Variants in RAB8B observed in about 807,000 individuals in gnomAD.
RAB8B encodes the protein ras-related protein Rab-8B.
A neutral mutation model predicts 32.0 loss-of-function variants in RAB8B; 11 were observed. The ratio of observed to expected loss-of-function variants is 0.34; its 90% CI spans 0.22 to 0.57. The LOEUF is 0.57. Among genes scored for constraint, RAB8B ranks in the 20% least tolerant of loss-of-function variants. The pLI is 0.86. For synonymous variants in RAB8B, 103 were observed against 89.6 expected (o/e 1.15, Z -0.85); for missense variants, 190 against 258.5 (o/e 0.73, Z 1.82).
At chr15:63,223,025 C>T in intron 1 of RAB8B, 1 of 456,064 alleles carries the variant, frequency 2.2e-6, no homozygotes, top group Non-Finnish European at 4.4e-6. Context: ...TCATCACTCT[C>T]TCATTGATTC....
chr15:63,210,580 C>T (rs1480398754), intron 1 of RAB8B, among the ~76,000 whole-genome samples: 1 of 152,194 alleles, frequency 6.6e-6, no homozygotes, highest in African/African-American at 2.4e-5. Flanking sequence ...GCTTCCCAAC[C>T]TTCTGTGGAT....
intron 1 of RAB8B, among the ~76,000 whole-genome samples, chr15:63,241,424 A>G (rs928180696): frequency 6.6e-6 from 1 of 152,244 alleles, no homozygotes; most frequent in African/African-American, 2.4e-5. Flanking sequence ...TCAGGTATAC[A>G]GTAGGCATTT....
intron 1 of RAB8B, among the ~76,000 whole-genome samples, chr15:63,197,655 G>A (rs750100596): frequency 6.6e-5 from 10 of 152,052 alleles, no homozygotes; most frequent in Non-Finnish European, 1.3e-4. Flanking sequence ...ATTACAGTGA[G>A]CCACCACACC....
chr15:63,245,402 A>G (rs370030099), intron 2 of RAB8B, among the ~76,000 whole-genome samples: 66 of 152,380 alleles, frequency 4.3e-4, no homozygotes, highest in African/African-American at 1.5e-3. Flanking sequence ...AGACTGCTCT[A>G]AGATATTTTT....
chr15:63,249,087 A>G (rs535636082), intron 2 of RAB8B, among the ~76,000 whole-genome samples: 2 of 152,314 alleles, frequency 1.3e-5, no homozygotes, highest in Admixed American at 6.5e-5. Context: ...AACGTTGTCA[A>G]GATTTATGTG....
chr15:63,216,775 G>A (rs984563288), intron 1 of RAB8B, among the ~76,000 whole-genome samples: 1 of 150,890 alleles, frequency 6.6e-6, no homozygotes, highest in Non-Finnish European at 1.5e-5. Context: ...CAGGAGAATC[G>A]CTTGAACCTG....
chr15:63,219,283 C>T (rs554573093), intron 1 of RAB8B, among the ~76,000 whole-genome samples: 6 of 142,358 alleles, frequency 4.2e-5, no homozygotes, highest in African/African-American at 7.8e-5. Context: ...GGCAAAGGAG[C>T]GAGACTCCCA....
At chr15:63,254,626 A>G (rs1029726046) in intron 3 of RAB8B, among the ~76,000 whole-genome samples, 1 of 152,048 alleles carries the variant, frequency 6.6e-6, no homozygotes, top group African/African-American at 2.4e-5. Flanking sequence ...GAAATACCAG[A>G]CATGGGCTGG....
intron 1 of RAB8B, among the ~76,000 whole-genome samples, chr15:63,194,121 C>G (rs961869792): frequency 6.6e-6 from 1 of 152,008 alleles, no homozygotes; most frequent in Non-Finnish European, 1.5e-5. Flanking sequence ...AGTGGTTTCA[C>G]TATTTAGTAT....
In RAB8B at chr15:63,263,577, C is replaced by G; in HGVS notation, c.582C>G (p.Asn194Lys). 1 of 1,613,058 alleles carries G rather than the reference C, an allele frequency of 6.2e-7. No homozygotes were observed. The highest frequency in any genetic ancestry group is 8.5e-7 in the Non-Finnish European group (1 of 1,179,036). The part of the protein sequence containing the change: ...GAGGPVKITE[N>K]RSKKTSFFRC... ...GTGGACCAGTGAAAATAACAGAAAA[C>G]CGATCAAAGAAGACCAGTTTCTTTC... is the stretch of plus-strand genomic sequence containing the variant. The change falls in exon 8 of 8, where the codon AAC (asparagine) becomes AAG (lysine). Residue 194 changes from asparagine (N) to lysine (K), a missense_variant. By Grantham distance (94) the Asn-to-Lys change is moderately conservative. Around this residue, in one of 2 missense-constraint regions of RAB8B, gnomAD observed 110 missense variants for 115.9 expected, o/e 0.95. Transcript: ENST00000321437.
Position 63,244,834 on chromosome 15 carries a change from C to A in RAB8B, c.185+18C>A. 1 of 1,546,342 alleles carries A rather than the reference C, an allele frequency of 6.5e-7. No individual in the cohort carries two copies. The highest frequency in any genetic ancestry group is 1.8e-5 in the Admixed American group (1 of 54,638). ...CAGATATGGTAAGTAAACACACACA[C>A]AGAGTTTCTGCTTTAATTGGGAATT... On this transcript the variant is annotated intron_variant, in intron 2 of 7. Transcript: ENST00000321437.
At chr15:63,213,946 T>C (rs1389255772) in intron 1 of RAB8B, among the ~76,000 whole-genome samples, 2 of 152,048 alleles carry the variant, frequency 1.3e-5, no homozygotes, top group African/African-American at 4.8e-5. Flanking sequence ...CTGGGCGTTG[T>C]GGCATGTGTC....
At chr15:63,249,796 A>C (rs2038099550) in intron 3 of RAB8B, 91 bp downstream of exon 3, 1 of 1,323,522 alleles carries the variant, frequency 7.6e-7, no homozygotes, top group Non-Finnish European at 1.0e-6. Flanking sequence ...GATGGAGTCT[A>C]GTATGTAGAA....
At chr15:63,228,077 C>A (rs1390702409) in intron 1 of RAB8B, among the ~76,000 whole-genome samples, 1 of 152,144 alleles carries the variant, frequency 6.6e-6, no homozygotes, top group Non-Finnish European at 1.5e-5. Flanking sequence ...AGGTTGGAGA[C>A]ACAAACATGG....
chr15:63,266,138 G>T lies in RAB8B; in HGVS notation c.*2519G>T, dbSNP rs971858735. 2 of 152,530 alleles carry T rather than the reference G, an allele frequency of 1.3e-5. No individual in the cohort carries two copies. Among genetic ancestry groups the T allele is most frequent in the East Asian group, 3.8e-4 (2 of 5,198 alleles). The allele number at this position is 152,530 out of a possible 1,614,324, so 9.4% of individuals were successfully genotyped here. A position where few individuals can be genotyped will look rare whatever the true frequency, so the allele number is the denominator to read the frequency against. ...TCCCCGCTGAAACTGAAGAAATCTA[G>T]TTTTTTTGTGAACATTTTTGTGGTC... On this transcript the variant is annotated 3_prime_UTR_variant, in exon 8 of 8. Transcript: ENST00000321437.
In RAB8B at chr15:63,259,422, A is replaced by G. The variant is rs1371895737; in HGVS notation, c.415-205A>G. On this transcript the variant is annotated intron_variant, in intron 5 of 7. Transcript: ENST00000321437. This position sits in a 1 kb window ranked among gnomAD's most constrained non-coding sequence, Gnocchi z 4.4. Reference sequence around the variant, plus strand: ...TGCCCGGCCTTAAATTATGTTTGAAATGGAAGTTGTGCCATCCTTCTTACG... The same window carrying G: ...TGCCCGGCCTTAAATTATGTTTGAAGTGGAAGTTGTGCCATCCTTCTTACG... Among the ~76,000 whole-genome samples, 2 of 152,192 alleles carry G rather than the reference A, an allele frequency of 1.3e-5. No individual in the cohort carries two copies. Among genetic ancestry groups the G allele is most frequent in the Non-Finnish European group, 2.9e-5 (2 of 68,030 alleles).
chr15:63,219,309 A>AT (rs920991438), intron 1 of RAB8B, among the ~76,000 whole-genome samples: 1 of 151,642 alleles, frequency 6.6e-6, no homozygotes, highest in African/African-American at 2.4e-5. Context: ...AAAAAAAAAA[A>AT]AGAAAGAAAG....
At chr15:63,211,406 A>G (rs1271566128) in intron 1 of RAB8B, among the ~76,000 whole-genome samples, 2 of 152,190 alleles carry the variant, frequency 1.3e-5, no homozygotes, top group African/African-American at 4.8e-5. Context: ...GTTCTACCCC[A>G]GACTATATGT....
chr15:63,189,789 G>C (rs1254279470), intron 1 of RAB8B, 41 bp downstream of exon 1: 5 of 1,435,844 alleles, frequency 3.5e-6, no homozygotes, highest in Middle Eastern at 1.9e-4. Flanking sequence ...TAGAGAATTG[G>C]GGGGCGGGTA....
Sources: allele counts gnomAD v4.1 joint callset (sites outside exome capture counted in the v4.1 genomes callset), GRCh38; gene constraint gnomAD v4.1.1; regional missense constraint gnomAD v4.1.1; non-coding constraint Gnocchi (gnomAD v3.1); transcripts MANE v1.5; gene names NCBI Gene and HGNC (gene_info 2026-07-23, HGNC 2026-07-21).